L1CAM: variants seen among roughly 807,000 people sequenced by gnomAD.
The protein encoded by L1CAM is neural cell adhesion molecule L1.
Under a neutral mutation model 93.0 loss-of-function variants are expected in L1CAM, and 8 were observed. That is an observed-to-expected ratio of 0.09 (90% CI 0.05 to 0.16). The LOEUF is 0.16. Among genes scored for constraint, L1CAM ranks in the 10% least tolerant of loss-of-function variants. The pLI is 1.00. For synonymous variants in L1CAM, 453 were observed against 453.0 expected (o/e 1.00, Z 0.00); for missense variants, 777 against 1,073.4 (o/e 0.72, Z 3.86).
At chrX:153,872,968 A>G in intron 3 of L1CAM, 1 of 451,340 alleles carries the variant, frequency 2.2e-6, no homozygotes. Flanking sequence ...AAGACACAGA[A>G]ACCAAGAAGG....
intron 1 of L1CAM, among the ~76,000 whole-genome samples, chrX:153,881,321 G>T (rs1196672310): frequency 4.5e-5 from 5 of 111,855 alleles, no homozygotes; most frequent in African/African-American, 1.6e-4. Context: ...TAGAGGGCGT[G>T]GTGGCTCCCT....
At position 153,862,374 on chromosome X, in the gene L1CAM, C is replaced by T. The variant is rs879991461; in HGVS notation, c.*289G>A. Reference sequence around the variant, plus strand: ...CATTTCGGAGACCCTTTCGGGCCACCCCTACTTCTTCTCCCCCAAACCACA... The same window carrying T: ...CATTTCGGAGACCCTTTCGGGCCACTCCTACTTCTTCTCCCCCAAACCACA... On this transcript the variant is annotated 3_prime_UTR_variant, in exon 29 of 29. Coordinates refer to ENST00000370060, the MANE Select transcript of L1CAM (RefSeq NM_001278116.2). 1 of 329,881 alleles carries T rather than the reference C, an allele frequency of 3.0e-6. No homozygotes were observed. Among genetic ancestry groups the T allele is most frequent in the South Asian group, 1.1e-4 (1 of 9,376 alleles). The allele number at this position is 329,881 out of a possible 1,213,427, so 27.2% of individuals were successfully genotyped here.
intron 26 of L1CAM, 136 bp from the exon 27 acceptor site, chrX:153,863,685 C>T: frequency 1.2e-6 from 1 of 817,721 alleles, no homozygotes; most frequent in Non-Finnish European, 1.8e-6. Flanking sequence ...AAACCGCTCA[C>T]CCCCTGCGGT....
intron 1 of L1CAM, among the ~76,000 whole-genome samples, chrX:153,883,051 C>T (rs1203712764): frequency 8.9e-6 from 1 of 111,900 alleles, no homozygotes; most frequent in Non-Finnish European, 1.9e-5. Context: ...CCAGGCACCC[C>T]CCATACAGCC....
chrX:153,884,109 T>A, intron 1 of L1CAM: 3 of 700,846 alleles, frequency 4.3e-6, no homozygotes, highest in Non-Finnish European at 6.0e-6. Context: ...CAGATAATCA[T>A]CAAGAAAAAA....
intron 1 of L1CAM, chrX:153,885,388 C>T (rs1557096691): frequency 1.0e-6 from 1 of 982,164 alleles, no homozygotes; most frequent in Admixed American, 3.0e-5. Context: ...GCTCCAGAGG[C>T]GCCCTACGCC....
chrX:153,872,072 C>T, intron 5 of L1CAM, 80 bp downstream of exon 5: 1 of 887,987 alleles, frequency 1.1e-6, no homozygotes, highest in Non-Finnish European at 1.6e-6. Flanking sequence ...CACGAGACAA[C>T]TGGCTGACAG....
At position 153,865,649 on chromosome X, in the gene L1CAM, C is replaced by T. The variant is rs1263573217; in HGVS notation, c.2547+55G>A. 26 of 1,032,588 alleles carry T rather than the reference C, an allele frequency of 2.5e-5. No homozygotes were observed. In the African/African-American group the frequency reaches 4.8e-4, roughly 19 times the overall value. The allele number at this position is 1,032,588 out of a possible 1,213,427, so 85.1% of individuals were successfully genotyped here. A position where few individuals can be genotyped will look rare whatever the true frequency, so the allele number is the denominator to read the frequency against. ...CAGGTGGCAAAGCCCCCTCACCATC[C>T]TGTCGCTTTACCTCAGTGATCACCC... On this transcript the variant is annotated intron_variant, in intron 20 of 28. Transcript: ENST00000370060.
rs202210717 is a variant in L1CAM at position 153,875,988 on chromosome X, C to T, written c.-108-44G>A. The T allele has an allele frequency of 7.8e-6, 4 of 513,311 alleles. No homozygotes were observed. The South Asian group carries it at 7.9e-5, about 10-fold the overall frequency. 42.3% of individuals were successfully genotyped at this position (513,311 alleles called of 1,213,427 possible). A position where few individuals can be genotyped will look rare whatever the true frequency, so the allele number is the denominator to read the frequency against. On this transcript the variant is annotated intron_variant, in intron 1 of 28. Coordinates refer to ENST00000370060, the MANE Select transcript of L1CAM (RefSeq NM_001278116.2). Reference sequence around the variant, plus strand: ...GAAGGGAAGGGTGGGGGAAGAGAGACGAGAGAACGGAAGGACGTTAGTGAC... The same window carrying T: ...GAAGGGAAGGGTGGGGGAAGAGAGATGAGAGAACGGAAGGACGTTAGTGAC...
At position 153,870,505 on chromosome X, in the gene L1CAM, A is replaced by C; in HGVS notation, c.695-6T>G. ...CCTGTCAATCATGCTGTTGGCTGCC[A>C]GGAGAAAGTGGGTGGGTGGGCTGCC... is the stretch of plus-strand genomic sequence containing the variant. On this transcript the variant is annotated splice_region_variant and splice_polypyrimidine_tract_variant and intron_variant, in intron 7 of 28. Transcript: ENST00000370060. 8.4e-7 allele frequency: 1 copy of C among 1,197,555 alleles called. No individual in the cohort carries two copies. Among genetic ancestry groups the C allele is most frequent in the South Asian group, 1.8e-5 (1 of 56,541 alleles).
intron 5 of L1CAM, 79 bp from the exon 6 acceptor site, chrX:153,871,258 GGTGGC>G: frequency 1.1e-6 from 1 of 885,790 alleles, no homozygotes. Context: ...GGGGCAGGGG[GGTGGC>G]GGGCTACACC....
chrX:153,878,819 A>G (rs1238886468), intron 1 of L1CAM, among the ~76,000 whole-genome samples: 1 of 111,154 alleles, frequency 9.0e-6, no homozygotes, highest in Non-Finnish European at 1.9e-5. Context: ...CGCTCAGGGG[A>G]AATACAATAT....
At chrX:153,878,771 C>T (rs2064828695) in intron 1 of L1CAM, among the ~76,000 whole-genome samples, 1 of 111,658 alleles carries the variant, frequency 9.0e-6, no homozygotes, top group Non-Finnish European at 1.9e-5. Context: ...TCTATTTGTC[C>T]TCCAAATCTA....
In L1CAM at chrX:153,872,232, C is replaced by T. The variant is rs1267143652; in HGVS notation, c.320G>A (p.Arg107Lys). 1 of 1,209,578 alleles carries T rather than the reference C, an allele frequency of 8.3e-7. No homozygotes were observed. The highest frequency in any genetic ancestry group is 2.2e-5 in the Admixed American group (1 of 45,744). ...ITGNNSNFAQ[R>K]FQGIYRCFAS... The stretch of plus-strand genomic sequence containing the variant: ...AAAGCAGCGGTAGATGCCCTGGAAC[C>T]TCTGAGCAAAGTTGCTGTTGTTGCC... Residue 107 changes from arginine (R) to lysine (K), a missense_variant, in exon 5 of 29, where the codon AGG becomes AAG. This residue lies in a region of L1CAM where 574 missense variants were observed against 781.0 expected (regional missense o/e 0.73). Coordinates refer to ENST00000370060, the MANE Select transcript of L1CAM (RefSeq NM_001278116.2).
rs782266378 is a variant in L1CAM, at chrX:153,867,502, C to G, written c.1991G>C (p.Ser664Thr). ...CTGGTTCCCTGGAACCTTGCCCAGA[C>G]TGTACCATTTTTCAGGCGCCATTTC... ...DKEMAPEKWY[S>T]LGKVPGNQTS... The change falls in exon 17 of 29, where the codon AGT becomes ACT. Residue 664 changes from serine to threonine, a missense_variant. Transcript: ENST00000370060. 3 of 1,211,681 alleles carry G rather than the reference C, an allele frequency of 2.5e-6. No individual in the cohort carries two copies. The highest frequency in any genetic ancestry group is 3.4e-6 in the Non-Finnish European group (3 of 895,128).
chrX:153,880,538 C>T lies in L1CAM; in HGVS notation c.-108-4594G>A, dbSNP rs1226278028. On this transcript the variant is annotated intron_variant, in intron 1 of 28. Transcript: ENST00000370060. ...AAGGGTCAGAGTGTGGTGCTGGGCC[C>T]ATGTGCTTGCAGGCCTGGGAGCCTG... 28 of 315,988 alleles carry T rather than the reference C, an allele frequency of 8.9e-5. No individual in the cohort carries two copies. In the Admixed American group the frequency reaches 9.4e-4, roughly 11 times the overall value. 26.0% of individuals were successfully genotyped at this position (315,988 alleles called of 1,213,427 possible).
In L1CAM at chrX:153,868,391, C is replaced by G; in HGVS notation, c.1614G>C (p.Thr538=). ...IEKKGSRVTF[T]CQASFDPSLQ... Reference sequence around the variant, plus strand: ...AGGAGGGGTCAAAGGAGGCCTGGCACGTGAAGGTCACCCTGGAACCTTTCT... The same window carrying G: ...AGGAGGGGTCAAAGGAGGCCTGGCAGGTGAAGGTCACCCTGGAACCTTTCT... Residue 538 remains threonine (T), a synonymous_variant, in exon 14 of 29, where the codon ACG becomes ACC. Coordinates refer to ENST00000370060, the MANE Select transcript of L1CAM (RefSeq NM_001278116.2). The G allele has an allele frequency of 8.3e-7, 1 of 1,211,662 alleles. No individual in the cohort carries two copies. The highest frequency in any genetic ancestry group is 1.1e-6 in the Non-Finnish European group (1 of 895,388).
At chrX:153,885,892 C>T in intron 1 of L1CAM, 173 bp downstream of exon 1, 1 of 691,979 alleles carries the variant, frequency 1.4e-6, no homozygotes, top group Non-Finnish European at 1.8e-6. Context: ...TTACAGCCCG[C>T]GGTGCCCGGA....
At position 153,880,117 on chromosome X, in the gene L1CAM, C is replaced by G. The variant is rs782626396; in HGVS notation, c.-108-4173G>C. ...GGCCTCCCACTACACCCGCAGGTCC[C>G]TCAGGGAGTCCTCTGTCCTCTGCTC... On this transcript the variant is annotated intron_variant, in intron 1 of 28. Coordinates refer to ENST00000370060, the MANE Select transcript of L1CAM (RefSeq NM_001278116.2). Among the ~76,000 whole-genome samples, 207 of 112,032 alleles carry G rather than the reference C, an allele frequency of 1.8e-3. 1 individual carries two copies. The highest frequency in any genetic ancestry group is 6.1e-3 in the African/African-American group (189 of 30,816).
Sources: allele counts gnomAD v4.1 joint callset (sites outside exome capture counted in the v4.1 genomes callset), GRCh38; gene constraint gnomAD v4.1.1; regional missense constraint gnomAD v4.1.1; transcripts MANE v1.5; gene names NCBI Gene and HGNC (gene_info 2026-07-23, HGNC 2026-07-21).